Variants in ITPR2 observed in about 807,000 individuals in gnomAD.
The protein encoded by ITPR2 is inositol 1,4,5-trisphosphate-gated calcium channel ITPR2.
A neutral mutation model predicts 317.1 loss-of-function variants in ITPR2; 207 were observed. The ratio of observed to expected loss-of-function variants is 0.65; its 90% CI spans 0.58 to 0.73. The LOEUF is 0.73. ITPR2 is among the 30% of genes least tolerant of loss of function. The probability of loss-of-function intolerance (pLI) is 0.00; values close to 1 mark genes in which losing one functional copy is unlikely to be tolerated. For missense variants in ITPR2, 2,613 were observed against 3,284.0 expected (o/e 0.80, Z 4.99); for synonymous variants, 1,156 against 1,149.1 (o/e 1.01, Z -0.12).
At chr12:26,702,396 T>G (rs117077808) in intron 9 of ITPR2, among the ~76,000 whole-genome samples, 20,393 of 61,072 alleles carry the variant, frequency 0.33, 2,292 homozygotes, top group Non-Finnish European at 0.38. Flanking sequence ...GTTTGGTTTT[T>G]GGGGGCGGGG....
At chr12:26,467,508 A>G (rs1486400774) in intron 45 of ITPR2, among the ~76,000 whole-genome samples, 1 of 152,186 alleles carries the variant, frequency 6.6e-6, no homozygotes, top group African/African-American at 2.4e-5. Flanking sequence ...ACTAATCATA[A>G]AAGCCTTGCC....
At chr12:26,755,002 A>G (rs1452773262) in intron 2 of ITPR2, among the ~76,000 whole-genome samples, 1 of 152,210 alleles carries the variant, frequency 6.6e-6, no homozygotes, top group Non-Finnish European at 1.5e-5. Flanking sequence ...TTAAAATCCT[A>G]CAGGAAGCAT....
chr12:26,576,165 C>T (rs188357477), intron 34 of ITPR2, among the ~76,000 whole-genome samples: 2 of 152,108 alleles, frequency 1.3e-5, no homozygotes, highest in African/African-American at 4.8e-5. Flanking sequence ...GTTTCCTAAC[C>T]GATTTGGCCC....
At chr12:26,535,358 C>A (rs746304043) in intron 37 of ITPR2, among the ~76,000 whole-genome samples, 2 of 152,060 alleles carry the variant, frequency 1.3e-5, no homozygotes, top group African/African-American at 4.8e-5. Flanking sequence ...CACAGAAGAC[C>A]AATAAAACTT....
intron 9 of ITPR2, 104 bp from the exon 10 acceptor site, chr12:26,695,754 A>AAT: frequency 4.2e-6 from 3 of 710,640 alleles, no homozygotes; most frequent in Non-Finnish European, 7.4e-6. Flanking sequence ...ACTAAGTTTA[A>AAT]TATAAAAAGA....
intron 39 of ITPR2, among the ~76,000 whole-genome samples, chr12:26,487,650 G>A (rs1942703026): frequency 1.3e-5 from 2 of 152,112 alleles, no homozygotes; most frequent in African/African-American, 4.8e-5. Context: ...AATAGGGATA[G>A]AACAAAAATG....
At chr12:26,461,651 T>C (rs762384527) in intron 45 of ITPR2, among the ~76,000 whole-genome samples, 13,370 of 106,076 alleles carry the variant, frequency 0.13, 1,060 homozygotes, top group Non-Finnish European at 0.18. Context: ...TATATATATA[T>C]ATATATATAT....
chr12:26,768,664 C>T (rs1012265830), intron 2 of ITPR2, among the ~76,000 whole-genome samples: 6 of 149,374 alleles, frequency 4.0e-5, no homozygotes, highest in African/African-American at 1.5e-4. Context: ...GACCCCTTCA[C>T]ACTCTTAAAA....
At chr12:26,506,958 G>A (rs1943203982) in intron 37 of ITPR2, among the ~76,000 whole-genome samples, 1 of 152,088 alleles carries the variant, frequency 6.6e-6, no homozygotes, top group South Asian at 2.1e-4. Context: ...AGAAGATAAA[G>A]ATAATTCTTT....
chr12:26,791,726 G>A (rs1950344725), intron 1 of ITPR2, among the ~76,000 whole-genome samples: 1 of 152,076 alleles, frequency 6.6e-6, no homozygotes, highest in Non-Finnish European at 1.5e-5. Context: ...AAGTCACATT[G>A]GGTCAAGAGA....
intron 9 of ITPR2, among the ~76,000 whole-genome samples, chr12:26,702,791 A>G (rs1267374934): frequency 2.6e-5 from 4 of 152,184 alleles, no homozygotes. Context: ...TACATTGAAT[A>G]AGGGACCATT....
intron 9 of ITPR2, among the ~76,000 whole-genome samples, chr12:26,699,001 T>C (rs11048660): frequency 0.034 from 5,127 of 151,686 alleles, 123 homozygotes; most frequent in Middle Eastern, 0.11. Flanking sequence ...ATTTCAACTT[T>C]TCTTTTAAAT....
intron 11 of ITPR2, among the ~76,000 whole-genome samples, chr12:26,683,968 C>A (rs1482046690): frequency 3.3e-5 from 5 of 152,082 alleles, no homozygotes; most frequent in Non-Finnish European, 7.4e-5. Context: ...AGCATTAGGG[C>A]CAAGAAAAGA....
chr12:26,403,660 T>C (rs1426329736), intron 52 of ITPR2, among the ~76,000 whole-genome samples: 3 of 152,120 alleles, frequency 2.0e-5, no homozygotes, highest in Admixed American at 1.3e-4. Flanking sequence ...GTAGCAGTGA[T>C]GCAAAGAGAC....
chr12:26,629,998 C>T (rs749803810), intron 22 of ITPR2, among the ~76,000 whole-genome samples: 38 of 152,242 alleles, frequency 2.5e-4, no homozygotes, highest in South Asian at 4.2e-4. Flanking sequence ...GGCTGGAACA[C>T]ATATTGATTG....
At chr12:26,694,206 T>C (rs1006770945) in intron 10 of ITPR2, among the ~76,000 whole-genome samples, 4 of 152,190 alleles carry the variant, frequency 2.6e-5, no homozygotes, top group Non-Finnish European at 4.4e-5. Flanking sequence ...GTGACTGTGA[T>C]GGATCAAGAC....
intron 1 of ITPR2, among the ~76,000 whole-genome samples, chr12:26,796,719 C>T (rs1182390659): frequency 1.3e-5 from 2 of 152,066 alleles, no homozygotes; most frequent in Non-Finnish European, 2.9e-5. Context: ...TTTTCATTAA[C>T]AGTAACATGG....
intron 45 of ITPR2, among the ~76,000 whole-genome samples, chr12:26,463,799 A>G (rs1591806462): frequency 6.6e-6 from 1 of 152,314 alleles, no homozygotes; most frequent in East Asian, 1.9e-4. Flanking sequence ...TTTGGTACTT[A>G]AAGTCCTTCA....
chr12:26,385,298 A>G (rs1939634203), intron 55 of ITPR2, among the ~76,000 whole-genome samples: 1 of 152,128 alleles, frequency 6.6e-6, no homozygotes, highest in South Asian at 2.1e-4. Flanking sequence ...TTCTCTGACC[A>G]GCTTGCCTCC....
Sources: allele counts gnomAD v4.1 joint callset (sites outside exome capture counted in the v4.1 genomes callset), GRCh38; gene constraint gnomAD v4.1.1; transcripts MANE v1.5; gene names NCBI Gene and HGNC (gene_info 2026-07-23, HGNC 2026-07-21).